EPS15: variants seen among roughly 807,000 people sequenced by gnomAD.
The protein encoded by EPS15 is epidermal growth factor receptor pathway substrate 15, also known as epidermal growth factor receptor substrate 15.
In EPS15, 72 loss-of-function variants were observed where a neutral mutation model predicts 113.8. The ratio of observed to expected loss-of-function variants is 0.63; its 90% CI spans 0.52 to 0.77. The LOEUF is 0.77. Ranked by LOEUF, EPS15 falls within the 30% of genes least tolerant of loss-of-function variation. The pLI is 0.00. For synonymous variants in EPS15, 344 were observed against 363.4 expected, an observed-to-expected ratio of 0.95 and a Z score of 0.61; for missense variants, 1,048 against 1,045.8, an observed-to-expected ratio of 1.00 and a Z score of -0.03.
intron 1 of EPS15, among the ~76,000 whole-genome samples, chr1:51,483,475 T>C (rs1197322715): frequency 6.7e-6 from 1 of 149,358 alleles, no homozygotes; most frequent in Non-Finnish European, 1.5e-5. Context: ...AGAACCCTAA[T>C]ACATCCAGTC....
intron 24 of EPS15, among the ~76,000 whole-genome samples, chr1:51,358,483 A>G: frequency 6.6e-6 from 1 of 152,212 alleles, no homozygotes; most frequent in Middle Eastern, 3.2e-3. Flanking sequence ...AAAATCCTTC[A>G]TGAAAGGATG....
chr1:51,373,393 A>T (rs527588243), intron 21 of EPS15, among the ~76,000 whole-genome samples: 1 of 152,360 alleles, frequency 6.6e-6, no homozygotes, highest in East Asian at 1.9e-4. Context: ...ATCAGCTGCT[A>T]TGAGTTGAGG....
chr1:51,506,916 A>C (rs1644509028), intron 1 of EPS15, among the ~76,000 whole-genome samples: 1 of 152,210 alleles, frequency 6.6e-6, no homozygotes, highest in Non-Finnish European at 1.5e-5. Flanking sequence ...GAAATATTTC[A>C]ATCTTCTTCA....
Position 51,365,955 on chromosome 1 carries a change from T to C in EPS15, c.2194A>G (p.Lys732Glu), listed in dbSNP as rs767597562. ...GGFADFSTLS[K>E]VNNEDPFRSA... ...TCCCATTAATTACTGTAGATTACCT[T>C]TGACAATGTGCTGAAGTCAGCAAAT... Residue 732 changes from lysine (K) to glutamate (E), a missense_variant and splice_region_variant, in exon 22 of 25, where the codon AAG becomes GAG. By Grantham distance (56) the Lys-to-Glu change is moderately conservative. Transcript: ENST00000371733. The C allele has an allele frequency of 1.1e-5, 17 of 1,604,594 alleles. No homozygotes were observed. The highest frequency in any genetic ancestry group is 1.1e-5 in the Non-Finnish European group (13 of 1,173,116).
chr1:51,484,319 T>C (rs981228725), intron 1 of EPS15, among the ~76,000 whole-genome samples: 9 of 151,388 alleles, frequency 5.9e-5, no homozygotes, highest in Non-Finnish European at 1.2e-4. Flanking sequence ...CTCAGCACTT[T>C]GGGAGGCCGA....
chr1:51,473,895 G>A (rs1655417744), intron 2 of EPS15, among the ~76,000 whole-genome samples: 2 of 152,082 alleles, frequency 1.3e-5, no homozygotes, highest in Admixed American at 6.6e-5. Context: ...AGAAAAACAT[G>A]GCCTAATCCT....
intron 11 of EPS15, among the ~76,000 whole-genome samples, chr1:51,442,096 G>C (rs992423585): frequency 6.6e-6 from 1 of 151,978 alleles, no homozygotes; most frequent in Admixed American, 6.6e-5. Context: ...CCTATTTTCT[G>C]TGTTCCACTG....
chr1:51,389,883 A>C (rs1647212472), intron 21 of EPS15, among the ~76,000 whole-genome samples: 1 of 152,278 alleles, frequency 6.6e-6, no homozygotes, highest in Non-Finnish European at 1.5e-5. Context: ...GAAAATGGCC[A>C]TACTGCCCAA....
At chr1:51,361,126 C>T (rs186814936) in intron 24 of EPS15, 45 bp downstream of exon 24, 4 of 1,427,886 alleles carry the variant, frequency 2.8e-6, no homozygotes, top group East Asian at 2.3e-5. Flanking sequence ...TCTCTGAAAA[C>T]TCTTTAAAGA....
intron 13 of EPS15, among the ~76,000 whole-genome samples, chr1:51,411,611 T>C (rs775908493): frequency 1.3e-5 from 2 of 152,214 alleles, no homozygotes; most frequent in Non-Finnish European, 2.9e-5. Flanking sequence ...TTATGCCCCT[T>C]CTAAATTGAA....
At chr1:51,460,352 T>A (rs1654349526) in intron 8 of EPS15, among the ~76,000 whole-genome samples, 1 of 152,198 alleles carries the variant, frequency 6.6e-6, no homozygotes, top group Admixed American at 6.5e-5. Context: ...AGATGACATG[T>A]CTTCAGATAA....
At chr1:51,423,704 C>T (rs1650972250) in intron 12 of EPS15, 1 of 985,288 alleles carries the variant, frequency 1.0e-6, no homozygotes, top group Admixed American at 6.1e-5. Context: ...ACAGTGTCTG[C>T]TCAGATCAAG....
In EPS15 at chr1:51,403,539, A is replaced by C. The variant is rs770723428; in HGVS notation, c.1678-7T>G. Reference sequence around the variant, plus strand: ...GTTCAGGACTACTTCTTGCCTACAAAATATTAATGCAAGTAGATTAACAAT... The same window carrying C: ...GTTCAGGACTACTTCTTGCCTACAACATATTAATGCAAGTAGATTAACAAT... On this transcript the variant is annotated splice_polypyrimidine_tract_variant and splice_region_variant and intron_variant, in intron 16 of 24. Transcript: ENST00000371733. 11 of 1,483,350 alleles carry C rather than the reference A, an allele frequency of 7.4e-6. No homozygotes were observed. The South Asian group carries it at 1.1e-4, about 15-fold the overall frequency. 91.9% of individuals were successfully genotyped at this position (1,483,350 alleles called of 1,614,324 possible). A position where few individuals can be genotyped will look rare whatever the true frequency, so the allele number is the denominator to read the frequency against.
chr1:51,392,509 T>C (rs1647482625), intron 21 of EPS15, among the ~76,000 whole-genome samples: 1 of 152,194 alleles, frequency 6.6e-6, no homozygotes, highest in South Asian at 2.1e-4. Flanking sequence ...ACAGAGGTAT[T>C]AGAAATCTTT....
chr1:51,393,217 G>A (rs1008753146), intron 21 of EPS15, among the ~76,000 whole-genome samples: 2 of 151,592 alleles, frequency 1.3e-5, no homozygotes, highest in African/African-American at 4.8e-5. Context: ...CTGTTTTTTA[G>A]AGCCAGCCTT....
intron 8 of EPS15, among the ~76,000 whole-genome samples, chr1:51,451,692 T>C (rs1300445882): frequency 6.7e-6 from 1 of 149,494 alleles, no homozygotes; most frequent in Admixed American, 6.6e-5. Context: ...ATAAAGCACT[T>C]GCACAAAATG....
intron 1 of EPS15, among the ~76,000 whole-genome samples, chr1:51,483,398 AGT>A (rs58892404): frequency 0.069 from 9,757 of 141,652 alleles, 350 homozygotes; most frequent in Non-Finnish European, 0.092. Context: ...CAAGACTGCA[AGT>A]GTGTGTGTGT....
chr1:51,363,759 T>C lies in EPS15; in HGVS notation c.2359+107A>G, dbSNP rs1390150014. Reference sequence around the variant, plus strand: ...GACAGCAGCAGGCTTCTGACATATGTTTGACTTGTTTCACTTAAAGCCATT... The same window carrying C: ...GACAGCAGCAGGCTTCTGACATATGCTTGACTTGTTTCACTTAAAGCCATT... On this transcript the variant is annotated intron_variant, in intron 23 of 24. Transcript: ENST00000371733. 5 of 993,278 alleles carry C rather than the reference T, an allele frequency of 5.0e-6. No individual in the cohort carries two copies. In the South Asian group the frequency reaches 6.6e-5, roughly 13 times the overall value. The allele number at this position is 993,278 out of a possible 1,614,324, so 61.5% of individuals were successfully genotyped here.
chr1:51,360,364 C>CT (rs1300426272), intron 24 of EPS15, among the ~76,000 whole-genome samples: 5 of 152,168 alleles, frequency 3.3e-5, no homozygotes, highest in South Asian at 2.1e-4. Flanking sequence ...TAAAAAATAA[C>CT]TTTTTTTACT....
Sources: gnomAD v4.1 joint callset for allele counts (sites outside exome capture counted in the v4.1 genomes callset) on GRCh38, gnomAD v4.1.1 for gene constraint, MANE v1.5 for transcripts, NCBI Gene and HGNC (gene_info 2026-07-23, HGNC 2026-07-21) for gene names.